Variants in TMEM132D observed in about 807,000 individuals in gnomAD.
TMEM132D encodes mature OL transmembrane protein.
TMEM132D carries 21 observed loss-of-function variants against 62.3 expected under a neutral mutation model. The ratio of observed to expected loss-of-function variants is 0.34; its 90% confidence interval spans 0.24 to 0.49. The LOEUF (loss-of-function observed/expected upper bound fraction) is 0.49, where lower values mean the gene tolerates loss of function less well. Ranked by LOEUF, TMEM132D falls within the 20% of genes least tolerant of loss-of-function variation. TMEM132D has a pLI of 0.99. For missense variants in TMEM132D, 1,346 were observed against 1,402.8 expected (o/e 0.96, Z 0.65); for synonymous variants, 621 against 575.6 (o/e 1.08, Z -1.13).
chr12:129,478,211 T>C (rs1035755132), intron 3 of TMEM132D, among the ~76,000 whole-genome samples: 1 of 152,242 alleles, frequency 6.6e-6, no homozygotes, highest in African/African-American at 2.4e-5. Flanking sequence ...TCTGGAAGTT[T>C]CTCTGGGTGA....
intron 4 of TMEM132D, among the ~76,000 whole-genome samples, chr12:129,251,378 AAAAAAG>A (rs1168507627): frequency 2.0e-5 from 3 of 151,104 alleles, no homozygotes; most frequent in African/African-American, 7.3e-5. Context: ...AAAAAAAAAA[AAAAAAG>A]AAGAGAGAAA....
chr12:129,285,192 C>T (rs1045725464), intron 4 of TMEM132D, among the ~76,000 whole-genome samples: 8 of 151,978 alleles, frequency 5.3e-5, no homozygotes, highest in African/African-American at 1.9e-4. Context: ...AGATTGAGAC[C>T]ATCATGCAGA....
intron 3 of TMEM132D, among the ~76,000 whole-genome samples, chr12:129,431,221 G>A (rs920801025): frequency 1.2e-4 from 18 of 152,272 alleles, no homozygotes; most frequent in African/African-American, 3.6e-4. Flanking sequence ...ATAAGGACGC[G>A]GAGCTTCAGT....
At chr12:129,279,988 T>C (rs1027548600) in intron 4 of TMEM132D, among the ~76,000 whole-genome samples, 2 of 152,224 alleles carry the variant, frequency 1.3e-5, no homozygotes, top group African/African-American at 4.8e-5. Context: ...GTTCTGCTTA[T>C]AAGGAATGGC....
intron 5 of TMEM132D, among the ~76,000 whole-genome samples, chr12:129,209,149 CA>C (rs1420697651): frequency 6.6e-6 from 1 of 152,134 alleles, no homozygotes; most frequent in Non-Finnish European, 1.5e-5. Flanking sequence ...GCCGCATACC[CA>C]TCCATCTAGG....
At chr12:129,499,354 G>A (rs1445582333) in intron 3 of TMEM132D, among the ~76,000 whole-genome samples, 1 of 152,132 alleles carries the variant, frequency 6.6e-6, no homozygotes, top group Non-Finnish European at 1.5e-5. Flanking sequence ...GTTGAACCAG[G>A]GGAATGAACA....
At chr12:129,554,100 C>A (rs117187057) in intron 2 of TMEM132D, among the ~76,000 whole-genome samples, 53 of 152,280 alleles carry the variant, frequency 3.5e-4, no homozygotes, top group Middle Eastern at 3.4e-3. Flanking sequence ...CATACTCCCC[C>A]CTGTGTGATT....
rs571856351 is a variant in TMEM132D, at chr12:129,215,923, A to C, written c.1300-6260T>G. Among the ~76,000 whole-genome samples, 9 of 152,316 alleles carry C rather than the reference A, an allele frequency of 5.9e-5. No individual in the cohort carries two copies. The East Asian group carries it at 1.2e-3, about 20-fold the overall frequency. On this transcript the variant is annotated intron_variant, in intron 4 of 8. Transcript: ENST00000422113. ...TCATCAGATCTCCTGAGACTTACTC[A>C]CTACCATGAGAACAGTGTGGGGGAA... is the stretch of plus-strand genomic sequence containing the variant.
intron 1 of TMEM132D, among the ~76,000 whole-genome samples, chr12:129,849,868 T>C (rs1478644774): frequency 2.0e-5 from 3 of 152,226 alleles, no homozygotes; most frequent in Non-Finnish European, 4.4e-5. Context: ...AGGTTTTATC[T>C]TGGTGCTGCG....
intron 4 of TMEM132D, among the ~76,000 whole-genome samples, chr12:129,325,315 G>C (rs1868869907): frequency 6.6e-6 from 1 of 152,198 alleles, no homozygotes; most frequent in South Asian, 2.1e-4. Flanking sequence ...GTGAGGATAA[G>C]GGAATACAGA....
chr12:129,865,919 G>C (rs1874043448), intron 1 of TMEM132D, among the ~76,000 whole-genome samples: 2 of 152,198 alleles, frequency 1.3e-5, no homozygotes, highest in African/African-American at 4.8e-5. Flanking sequence ...ACATCGTGGT[G>C]TGACTCTCTT....
chr12:129,528,239 T>C (rs1194692751), intron 3 of TMEM132D, among the ~76,000 whole-genome samples: 2 of 152,160 alleles, frequency 1.3e-5, no homozygotes, highest in African/African-American at 2.4e-5. Context: ...GAAAAACACA[T>C]CTCATCGCAG....
rs148012327 is a variant in TMEM132D, at chr12:129,549,713, C to T, written c.969-18508G>A. Among the ~76,000 whole-genome samples the T allele has an allele frequency of 9.9e-4, 151 of 152,312 alleles. 1 individual carries two copies. The highest frequency in any genetic ancestry group is 3.3e-3 in the African/African-American group (138 of 41,558). ...CTCCCTTTGACTTTGGGCATAGTCA[C>T]GTGTTTGGCCAATGAACTGTGAGCT... is the stretch of plus-strand genomic sequence containing the variant. On this transcript the variant is annotated intron_variant, in intron 2 of 8. Transcript: ENST00000422113.
rs139360112 is a variant in TMEM132D, at chr12:129,550,974, C to T, written c.969-19769G>A. Among the ~76,000 whole-genome samples the T allele has an allele frequency of 1.9e-3, 285 of 152,312 alleles. 1 individual carries two copies. The highest frequency in any genetic ancestry group is 6.5e-3 in the African/African-American group (270 of 41,572). On this transcript the variant is annotated intron_variant, in intron 2 of 8. Transcript: ENST00000422113. ...CCATCCTCTTGTGATACTTGGAGCT[C>T]AAAGCCACCACTTAAGAAGCTCAAG...
chr12:129,791,660 C>T (rs1871403449), intron 1 of TMEM132D, among the ~76,000 whole-genome samples: 1 of 152,122 alleles, frequency 6.6e-6, no homozygotes, highest in Non-Finnish European at 1.5e-5. Flanking sequence ...GAATTAACCC[C>T]CCCAGTCACC....
At chr12:129,527,835 A>G (rs892767276) in intron 3 of TMEM132D, among the ~76,000 whole-genome samples, 1 of 152,250 alleles carries the variant, frequency 6.6e-6, no homozygotes, top group East Asian at 1.9e-4. Flanking sequence ...ACATGTTCAT[A>G]CTGTTATGAT....
chr12:129,340,016 T>C (rs1869417531), intron 3 of TMEM132D, among the ~76,000 whole-genome samples: 2 of 152,316 alleles, frequency 1.3e-5, no homozygotes, highest in South Asian at 4.1e-4. Context: ...CTTCTGTTTT[T>C]AGAGTTTGTT....
chr12:129,615,834 ATAAAATAAAAT>A (rs1878901276), intron 2 of TMEM132D, among the ~76,000 whole-genome samples: 2 of 151,408 alleles, frequency 1.3e-5, no homozygotes, highest in Non-Finnish European at 2.9e-5. Flanking sequence ...ATAAAATAAA[ATAAAATAAAAT>A]AAGATAGCTG....
chr12:129,139,362 G>A (rs1478003418), intron 5 of TMEM132D, among the ~76,000 whole-genome samples: 1 of 152,260 alleles, frequency 6.6e-6, no homozygotes, highest in South Asian at 2.1e-4. Flanking sequence ...TACAGCATGG[G>A]CATCAACCAG....
Sources: allele counts gnomAD v4.1 joint callset (sites outside exome capture counted in the v4.1 genomes callset), GRCh38; gene constraint gnomAD v4.1.1; transcripts MANE v1.5; gene names NCBI Gene and HGNC (gene_info 2026-07-23, HGNC 2026-07-21).